MACROD2: variants seen among roughly 807,000 people sequenced by gnomAD.
MACROD2 encodes the protein ADP-ribose glycohydrolase MACROD2.
A neutral mutation model predicts 70.4 loss-of-function variants in MACROD2; 36 were observed. That is an observed-to-expected ratio of 0.51 (90% CI 0.39 to 0.68). MACROD2 has a LOEUF of 0.68. Among genes scored for constraint, MACROD2 ranks in the 30% least tolerant of loss-of-function variants. The pLI is 0.00. For missense variants in MACROD2, 496 were observed against 538.4 expected, an observed-to-expected ratio of 0.92 and a Z score of 0.78; for synonymous variants, 172 against 178.8, an observed-to-expected ratio of 0.96 and a Z score of 0.30.
chr20:15,087,110 ATCTT>A (rs1372797666), intron 5 of MACROD2, among the ~76,000 whole-genome samples: 5 of 152,018 alleles, frequency 3.3e-5, no homozygotes, highest in African/African-American at 4.8e-5. Flanking sequence ...TCTCTTATTT[ATCTT>A]TCTATTTCTC....
intron 5 of MACROD2, among the ~76,000 whole-genome samples, chr20:14,999,350 A>T (rs752726832): frequency 2.0e-5 from 3 of 152,208 alleles, no homozygotes; most frequent in African/African-American, 4.8e-5. Context: ...TTTTCAAGAC[A>T]CTGACAGTAT....
chr20:14,735,755 T>C (rs908049179), intron 5 of MACROD2, among the ~76,000 whole-genome samples: 3 of 151,832 alleles, frequency 2.0e-5, no homozygotes, highest in African/African-American at 7.3e-5. Flanking sequence ...GAGGCTGAGG[T>C]GGAAGGATCA....
rs149497763 is a variant in MACROD2 at position 14,909,431 on chromosome 20, C to T, written c.418+224472C>T. On this transcript the variant is annotated intron_variant, in intron 5 of 17. Coordinates refer to ENST00000684519, the MANE Select transcript of MACROD2 (RefSeq NM_001351661.2). The stretch of plus-strand genomic sequence containing the variant: ...TCGTTTATTGCAAACTACCTGAGGT[C>T]GGGTAAATTATTACCTGGATTAAAA... Among the ~76,000 whole-genome samples the T allele has an allele frequency of 6.1e-3, 934 of 152,090 alleles. 25 individuals carry two copies. The highest frequency in any genetic ancestry group is 0.058 in the Admixed American group (878 of 15,262).
chr20:14,456,771 CA>C lies in MACROD2; in HGVS notation c.272-36707del, dbSNP rs1458630423. Among the ~76,000 whole-genome samples the C allele has an allele frequency of 1.3e-4, 17 of 128,424 alleles. No individual in the cohort carries two copies. In the East Asian group the frequency reaches 4.3e-3, roughly 32 times the overall value. 84.3% of individuals were successfully genotyped at this position (128,424 alleles called of 152,430 possible). A position where few individuals can be genotyped will look rare whatever the true frequency, so the allele number is the denominator to read the frequency against. ...TCTCTCTGTCACCCAGGCTGGAGTG[CA>C]GTGGTGCGATCTCGGCTCAATGCAA... On this transcript the variant is annotated intron_variant, in intron 3 of 17. Transcript: ENST00000684519.
intron 5 of MACROD2, among the ~76,000 whole-genome samples, chr20:14,702,809 C>T (rs2071223164): frequency 6.6e-6 from 1 of 150,456 alleles, no homozygotes; most frequent in Non-Finnish European, 1.5e-5. Flanking sequence ...CTCACTGCAA[C>T]CTCTGCCTCC....
chr20:14,701,462 A>G (rs1200500459), intron 5 of MACROD2, among the ~76,000 whole-genome samples: 1 of 152,210 alleles, frequency 6.6e-6, no homozygotes, highest in African/African-American at 2.4e-5. Flanking sequence ...CGGTGATGCC[A>G]CTTGACTGAA....
chr20:15,005,866 A>G (rs376714242), intron 5 of MACROD2, among the ~76,000 whole-genome samples: 5 of 152,144 alleles, frequency 3.3e-5, no homozygotes, highest in East Asian at 3.9e-4. Flanking sequence ...GTGTAAACAT[A>G]CTAACTATCC....
At chr20:15,389,362 G>GGAAGAAAGAGGAAGAAAGGAAGCA (rs1568769708) in intron 6 of MACROD2, among the ~76,000 whole-genome samples, 1 of 152,120 alleles carries the variant, frequency 6.6e-6, no homozygotes, top group Non-Finnish European at 1.5e-5. Context: ...GAGTGAAGAA[G>GGAAGAAAGAGGAAGAAAGGAAGCA]GAAGAAAGAG....
At chr20:14,693,882 G>T (rs2071090420) in intron 5 of MACROD2, among the ~76,000 whole-genome samples, 1 of 152,156 alleles carries the variant, frequency 6.6e-6, no homozygotes, top group African/African-American at 2.4e-5. Context: ...AATACTGTCA[G>T]ATAAGAGAGA....
intron 7 of MACROD2, among the ~76,000 whole-genome samples, chr20:15,461,006 A>ATATATATATTT: frequency 3.0e-5 from 2 of 66,988 alleles, no homozygotes; most frequent in African/African-American, 4.2e-5. Flanking sequence ...ATATATATAT[A>ATATATATATTT]TTTTTTTTTA....
chr20:15,625,671 A>G (rs2049190842), intron 8 of MACROD2, among the ~76,000 whole-genome samples: 2 of 152,176 alleles, frequency 1.3e-5, no homozygotes, highest in African/African-American at 4.8e-5. Context: ...CTAACAATGT[A>G]TCTTTATGAC....
intron 8 of MACROD2, among the ~76,000 whole-genome samples, chr20:15,823,157 A>T (rs56005200): frequency 0.09 from 13,646 of 152,284 alleles, 852 homozygotes; most frequent in Non-Finnish European, 0.12. Context: ...ATTGCTAATG[A>T]CAAAGCAAAA....
At chr20:14,605,402 C>A (rs1481392718) in intron 4 of MACROD2, among the ~76,000 whole-genome samples, 1 of 152,082 alleles carries the variant, frequency 6.6e-6, no homozygotes, top group Non-Finnish European at 1.5e-5. Context: ...GTCCAAATGC[C>A]CCTTTTTATA....
intron 5 of MACROD2, among the ~76,000 whole-genome samples, chr20:14,738,882 G>C (rs2071700514): frequency 6.6e-6 from 1 of 151,718 alleles, no homozygotes; most frequent in East Asian, 1.9e-4. Context: ...AATCAAATTA[G>C]AAAATAATAG....
chr20:14,035,421 A>G lies in MACROD2; in HGVS notation c.163+33017A>G, dbSNP rs151264278. Among the ~76,000 whole-genome samples, 824 of 152,348 alleles carry G rather than the reference A, an allele frequency of 5.4e-3. 3 individuals carry two copies. Among genetic ancestry groups the G allele is most frequent in the South Asian group, 0.022 (108 of 4,830 alleles). On this transcript the variant is annotated intron_variant, in intron 2 of 17. Transcript: ENST00000684519. ...AAGAAGGTAAAGATACCTAACTTTTATATCAGTATGTGGTCTTGTGCAAAC... is the reference window on the plus strand; with the variant it reads ...AAGAAGGTAAAGATACCTAACTTTTGTATCAGTATGTGGTCTTGTGCAAAC...
At chr20:15,233,154 A>G (rs1376193913) in intron 6 of MACROD2, among the ~76,000 whole-genome samples, 1 of 152,128 alleles carries the variant, frequency 6.6e-6, no homozygotes, top group Non-Finnish European at 1.5e-5. Context: ...ATGAAATTCC[A>G]TAATTAATGA....
At chr20:14,299,938 C>T (rs1032025556) in intron 3 of MACROD2, among the ~76,000 whole-genome samples, 9 of 151,338 alleles carry the variant, frequency 5.9e-5, no homozygotes, top group African/African-American at 2.0e-4. Context: ...GTATTTATTC[C>T]AAGAAGCTCG....
At chr20:14,942,669 AATC>A (rs1197533454) in intron 5 of MACROD2, among the ~76,000 whole-genome samples, 1 of 152,210 alleles carries the variant, frequency 6.6e-6, no homozygotes, top group Non-Finnish European at 1.5e-5. Flanking sequence ...GTCAGCTGAA[AATC>A]ATCATAAGCC....
intron 4 of MACROD2, among the ~76,000 whole-genome samples, chr20:14,533,118 C>T (rs1259213982): frequency 8.7e-6 from 1 of 115,166 alleles, no homozygotes; most frequent in Non-Finnish European, 1.9e-5. Flanking sequence ...TCAGAAAGGG[C>T]TCAGTCTACC....
Sources: allele counts gnomAD v4.1 joint callset (sites outside exome capture counted in the v4.1 genomes callset), GRCh38; gene constraint gnomAD v4.1.1; transcripts MANE v1.5; gene names NCBI Gene and HGNC (gene_info 2026-07-23, HGNC 2026-07-21).